LRSAM1: variants seen among roughly 807,000 people sequenced by gnomAD.
The protein encoded by LRSAM1 is leucine rich repeat and sterile alpha motif containing 1.
Under a neutral mutation model 118.1 loss-of-function variants are expected in LRSAM1, and 96 were observed. The ratio of observed to expected loss-of-function variants is 0.81; its 90% CI spans 0.69 to 0.96. The LOEUF (loss-of-function observed/expected upper bound fraction) is 0.96, where lower values mean the gene tolerates loss of function less well. LRSAM1 is among the 40% of genes least tolerant of loss of function. The pLI is 0.00. For synonymous variants in LRSAM1, 322 were observed against 364.2 expected, an observed-to-expected ratio of 0.88 and a Z score of 1.32; for missense variants, 804 against 915.5, an observed-to-expected ratio of 0.88 and a Z score of 1.57.
intron 11 of LRSAM1, among the ~76,000 whole-genome samples, chr9:127,474,153 T>A (rs1835274434): frequency 6.6e-6 from 1 of 152,140 alleles, no homozygotes; most frequent in African/African-American, 2.4e-5. Flanking sequence ...TGTGCCCTGC[T>A]GCTGTCTGTT....
Position 127,502,783 on chromosome 9 carries a change from A to C in LRSAM1, c.2056A>C (p.Ile686Leu). ...VVCLEREAQM[I>L]FLNCGHVCCC... Reference sequence around the variant, plus strand: ...CGCTCTCCCTCCCCAGGCCCAGATGATCTTCCTCAACTGTGGCCACGTCTG... The same window carrying C: ...CGCTCTCCCTCCCCAGGCCCAGATGCTCTTCCTCAACTGTGGCCACGTCTG... Residue 686 changes from isoleucine to leucine, a missense_variant, in exon 26 of 26, where the codon ATC (isoleucine) becomes CTC (leucine). Ile to Leu is a conservative substitution (Grantham distance 5). Transcript: ENST00000300417. The C allele has an allele frequency of 6.2e-7, 1 of 1,612,202 alleles. No homozygotes were observed. Among genetic ancestry groups the C allele is most frequent in the Non-Finnish European group, 8.5e-7 (1 of 1,179,608 alleles).
At chr9:127,458,383 C>T (rs1367637238) in intron 6 of LRSAM1, among the ~76,000 whole-genome samples, 1 of 145,108 alleles carries the variant, frequency 6.9e-6, no homozygotes, top group African/African-American at 2.6e-5. Context: ...AGCGAGACTT[C>T]GTCTCAAAAA....
At chr9:127,475,026 T>A (rs1835302425) in intron 11 of LRSAM1, among the ~76,000 whole-genome samples, 1 of 151,444 alleles carries the variant, frequency 6.6e-6, no homozygotes, top group Admixed American at 6.6e-5. Context: ...TTTCCACTGC[T>A]GCTGGGAATG....
At chr9:127,463,065 T>A (rs1243283781) in intron 9 of LRSAM1, among the ~76,000 whole-genome samples, 1 of 151,658 alleles carries the variant, frequency 6.6e-6, no homozygotes, top group South Asian at 2.1e-4. Context: ...GGCGTGGTGG[T>A]GCGCACCTGT....
intron 10 of LRSAM1, among the ~76,000 whole-genome samples, chr9:127,471,364 G>A (rs1180259424): frequency 1.3e-5 from 2 of 151,216 alleles, no homozygotes; most frequent in South Asian, 2.1e-4. Context: ...CCAGCTGCTC[G>A]GGAGTCTTAG....
intron 6 of LRSAM1, 62 bp from the exon 7 acceptor site, chr9:127,458,941 C>T (rs1834630385): frequency 6.3e-7 from 1 of 1,582,660 alleles, no homozygotes; most frequent in Non-Finnish European, 8.7e-7. Flanking sequence ...CCTCAGCGCT[C>T]TGGAGCCCGG....
intron 10 of LRSAM1, among the ~76,000 whole-genome samples, chr9:127,468,809 A>C (rs1835053212): frequency 8.1e-6 from 1 of 122,824 alleles, no homozygotes; most frequent in Admixed American, 7.9e-5. Flanking sequence ...CCCTGTCTCT[A>C]CAAAAAAAAA....
intron 24 of LRSAM1, among the ~76,000 whole-genome samples, chr9:127,499,286 A>G (rs1276794084): frequency 6.6e-6 from 1 of 152,114 alleles, no homozygotes. Context: ...AGGTGGGAGG[A>G]TCGCTTGAGC....
At chr9:127,456,224 A>T (rs1369755924) in intron 5 of LRSAM1, among the ~76,000 whole-genome samples, 1 of 148,390 alleles carries the variant, frequency 6.7e-6, no homozygotes, top group Non-Finnish European at 1.5e-5. Context: ...TGGCGCTGGA[A>T]GTTTTGTTTG....
At position 127,503,228 on chromosome 9, in the gene LRSAM1, T is replaced by C. The variant is rs1377042130; in HGVS notation, c.*329T>C. 2 of 378,762 alleles carry C rather than the reference T, an allele frequency of 5.3e-6. No homozygotes were observed. Among genetic ancestry groups the C allele is most frequent in the Non-Finnish European group, 1.0e-5 (2 of 196,420 alleles). The allele number at this position is 378,762 out of a possible 1,614,324, so 23.5% of individuals were successfully genotyped here. A position where few individuals can be genotyped will look rare whatever the true frequency, so the allele number is the denominator to read the frequency against. On this transcript the variant is annotated 3_prime_UTR_variant, in exon 26 of 26. Transcript: ENST00000300417. ...TGTCTTGACTGAAGGCCACCGCCCC[T>C]GCAGGAGCTTGGGTCCTCATCTGGG...
At chr9:127,459,174 G>A (rs937629302) in intron 7 of LRSAM1, 103 bp downstream of exon 7, 8 of 1,153,798 alleles carry the variant, frequency 6.9e-6, no homozygotes, top group Non-Finnish European at 1.0e-5. Context: ...GTGGAAGCAG[G>A]CTGCAATCAG....
At chr9:127,487,337 C>G (rs1835769729) in intron 17 of LRSAM1, among the ~76,000 whole-genome samples, 1 of 152,064 alleles carries the variant, frequency 6.6e-6, no homozygotes, top group Admixed American at 6.5e-5. Context: ...TGGCTCACCA[C>G]CCATGGGAGT....
intron 25 of LRSAM1, among the ~76,000 whole-genome samples, chr9:127,501,731 CAAAA>C (rs962991196): frequency 4.6e-5 from 7 of 151,332 alleles, no homozygotes; most frequent in Non-Finnish European, 7.4e-5. Context: ...GATTCCATCT[CAAAA>C]AAAAGAAAAA....
chr9:127,489,410 G>T, intron 18 of LRSAM1, 34 bp from the exon 19 acceptor site: 1 of 1,588,648 alleles, frequency 6.3e-7, no homozygotes, highest in Non-Finnish European at 8.6e-7. Context: ...GTGTGGGCAC[G>T]GCCCCTGCTG....
At chr9:127,470,711 C>A (rs1274713228) in intron 10 of LRSAM1, among the ~76,000 whole-genome samples, 7 of 152,078 alleles carry the variant, frequency 4.6e-5, no homozygotes, top group Non-Finnish European at 8.8e-5. Flanking sequence ...CTCCTTTCAA[C>A]AACCTGGATG....
chr9:127,473,821 C>T lies in LRSAM1; in HGVS notation c.640C>T (p.Pro214Ser). The T allele has an allele frequency of 2.5e-6, 4 of 1,614,212 alleles. No homozygotes were observed. The highest frequency in any genetic ancestry group is 1.1e-5 in the South Asian group (1 of 91,078). Residue 214 changes from proline to serine, a missense_variant, in exon 11 of 26, where the codon CCC becomes TCC. Physicochemically the swap from Pro to Ser is moderately conservative, Grantham distance 74 (BLOSUM62 -1). Coordinates refer to ENST00000300417, the MANE Select transcript of LRSAM1 (RefSeq NM_001005373.4). ...TACAGAGTCAGGGCTGGAATACTAC[C>T]CCCCTTCTCAGTACTTGCTGCCAAT... ...LCKESGLEYY[P>S]PSQYLLPILE... is the part of the protein sequence containing the mutation.
intron 16 of LRSAM1, 111 bp from the exon 17 acceptor site, chr9:127,485,625 G>T: frequency 1.1e-6 from 1 of 926,354 alleles, no homozygotes; most frequent in Non-Finnish European, 1.8e-6. Flanking sequence ...GTAACCAGGT[G>T]AGGCCTCAAG....
At chr9:127,452,476 C>T (rs1221044033) in intron 2 of LRSAM1, among the ~76,000 whole-genome samples, 1 of 152,218 alleles carries the variant, frequency 6.6e-6, no homozygotes, top group Non-Finnish European at 1.5e-5. Flanking sequence ...CCTCTGAGGA[C>T]TGGGTGTATG....
chr9:127,483,148 T>A, intron 16 of LRSAM1, 128 bp downstream of exon 16: 1 of 849,668 alleles, frequency 1.2e-6, no homozygotes. Flanking sequence ...GGCAGTCAAG[T>A]CCTGCCATGG....
Sources: allele counts gnomAD v4.1 joint callset (sites outside exome capture counted in the v4.1 genomes callset), GRCh38; gene constraint gnomAD v4.1.1; transcripts MANE v1.5; gene names NCBI Gene and HGNC (gene_info 2026-07-23, HGNC 2026-07-21).